The following BTD variants were observed in gnomAD, a reference collection of about 807,000 sequenced individuals.
The protein encoded by BTD is biotinidase.
BTD carries 13 observed loss-of-function variants against 17.7 expected under a neutral mutation model. The ratio of observed to expected loss-of-function variants is 0.74; its 90% CI spans 0.48 to 1.17. The LOEUF (loss-of-function observed/expected upper bound fraction) is 1.17, where lower values mean the gene tolerates loss of function less well. BTD is among the 50% of genes most tolerant of loss of function. The probability of loss-of-function intolerance (pLI) is 0.00; values close to 1 mark genes in which losing one functional copy is unlikely to be tolerated. For synonymous variants in BTD, 240 were observed against 245.2 expected, an observed-to-expected ratio of 0.98 and a Z score of 0.20; for missense variants, 674 against 650.4, an observed-to-expected ratio of 1.04 and a Z score of -0.39.
At chr3:15,666,717 G>C (rs1023052535) in intron 3 of BTD, among the ~76,000 whole-genome samples, 4 of 152,016 alleles carry the variant, frequency 2.6e-5, no homozygotes, top group African/African-American at 9.7e-5. Context: ...GGATTGCTAA[G>C]TGCCAATATA....
At chr3:15,696,763 A>G (rs1223879525) in intron 3 of BTD, among the ~76,000 whole-genome samples, 1 of 152,204 alleles carries the variant, frequency 6.6e-6, no homozygotes, top group Non-Finnish European at 1.5e-5. Flanking sequence ...TAAACAGAGT[A>G]AAGTGGTAAG....
chr3:15,672,457 T>G (rs2066475983), intron 3 of BTD, among the ~76,000 whole-genome samples: 1 of 152,096 alleles, frequency 6.6e-6, no homozygotes, highest in African/African-American at 2.4e-5. Flanking sequence ...AAGTAATTTT[T>G]CCCCCTTTGT....
At chr3:15,625,757 G>A (rs1414471143) in intron 1 of BTD, among the ~76,000 whole-genome samples, 6 of 152,094 alleles carry the variant, frequency 3.9e-5, no homozygotes, top group African/African-American at 7.2e-5. Context: ...GGGTTTCACC[G>A]TGTTAGCCAG....
At chr3:15,655,825 CAG>C (rs1397876147), downstream of BTD, among the ~76,000 whole-genome samples, 6 of 152,308 alleles carry the variant, frequency 3.9e-5, no homozygotes, top group Admixed American at 2.6e-4. Context: ...GTTTTTGAGA[CAG>C]AGTCTCACTC....
chr3:15,608,801 G>C (rs978216063), intron 1 of BTD, among the ~76,000 whole-genome samples: 1 of 151,298 alleles, frequency 6.6e-6, no homozygotes, highest in African/African-American at 2.4e-5. Context: ...GTATTTCTCC[G>C]TATGATGGAA....
intron 3 of BTD, chr3:15,686,600 T>A (rs1317777366): frequency 2.4e-6 from 1 of 416,080 alleles, no homozygotes; most frequent in African/African-American, 2.0e-5. Context: ...TCTGGCAATG[T>A]GGTCAGGAAG....
In BTD at chr3:15,601,907, C is replaced by T; in HGVS notation, c.-17+13C>T. The T allele has an allele frequency of 1.2e-6, 2 of 1,613,190 alleles. No individual in the cohort carries two copies. Among genetic ancestry groups the T allele is most frequent in the South Asian group, 1.1e-5 (1 of 91,028 alleles). The stretch of plus-strand genomic sequence containing the variant: ...GCGCTAAGAGCAGGTACGGAGGGGG[C>T]GTGGTGCGGCGCGGAGGGGGTGTGG... On this transcript the variant is annotated intron_variant, in intron 1 of 3. Coordinates refer to ENST00000643237, the MANE Select transcript of BTD (RefSeq NM_001370658.1).
At chr3:15,676,036 C>G in intron 3 of BTD, 1 of 1,439,160 alleles carries the variant, frequency 6.9e-7, no homozygotes, top group African/African-American at 1.4e-5. Flanking sequence ...CATGTGCATG[C>G]ACATACACAT....
At chr3:15,658,166 C>A (rs1205056712), downstream of BTD, among the ~76,000 whole-genome samples, 5 of 110,642 alleles carry the variant, frequency 4.5e-5, no homozygotes, top group African/African-American at 1.6e-4. Flanking sequence ...GAGACTCCAT[C>A]TAAAAAAAAA....
intron 1 of BTD, among the ~76,000 whole-genome samples, chr3:15,617,799 T>G (rs1342176811): frequency 6.6e-6 from 1 of 152,266 alleles, no homozygotes; most frequent in Non-Finnish European, 1.5e-5. Flanking sequence ...CTGTTCCATC[T>G]ATTTGTCTGT....
At chr3:15,625,343 A>G (rs2065040303) in intron 1 of BTD, among the ~76,000 whole-genome samples, 1 of 152,140 alleles carries the variant, frequency 6.6e-6, no homozygotes, top group Non-Finnish European at 1.5e-5. Flanking sequence ...ATAGGTAAAA[A>G]TAGTTTCTCT....
chr3:15,642,858 A>G (rs950619120), intron 3 of BTD, among the ~76,000 whole-genome samples: 24 of 151,928 alleles, frequency 1.6e-4, no homozygotes, highest in Non-Finnish European at 2.6e-4. Flanking sequence ...GTAAAATAAA[A>G]TTTTTAGAAA....
At chr3:15,610,172 G>A (rs969935527) in intron 1 of BTD, among the ~76,000 whole-genome samples, 15 of 152,200 alleles carry the variant, frequency 9.9e-5, no homozygotes, top group Non-Finnish European at 2.1e-4. Context: ...CCATGTATCT[G>A]TTAGTCAGTT....
intron 3 of BTD, among the ~76,000 whole-genome samples, chr3:15,675,577 G>T (rs1377819824): frequency 6.6e-6 from 1 of 152,136 alleles, no homozygotes; most frequent in Non-Finnish European, 1.5e-5. Context: ...CTTTAAATAA[G>T]AATATTAGTA....
chr3:15,722,262 A>G (rs1447305088), exon 5 of BTD, among the ~76,000 whole-genome samples: 1 of 152,214 alleles, frequency 6.6e-6, no homozygotes, highest in Non-Finnish European at 1.5e-5. Flanking sequence ...ATGGACAACC[A>G]ATCAAGCCAT....
At chr3:15,706,844 T>G (rs1029116721) in intron 3 of BTD, among the ~76,000 whole-genome samples, 6 of 152,222 alleles carry the variant, frequency 3.9e-5, no homozygotes, top group African/African-American at 4.8e-5. Flanking sequence ...TGACCAGTGA[T>G]GATGAGCATT....
chr3:15,626,575 G>A (rs1194003119), intron 1 of BTD, among the ~76,000 whole-genome samples: 1 of 151,964 alleles, frequency 6.6e-6, no homozygotes, highest in African/African-American at 2.4e-5. Context: ...GCCTGGAGTC[G>A]AGACTAGCCT....
rs1377856502 is a variant in BTD at position 15,649,515 on chromosome 3, T to G, written c.*4027T>G. Among the ~76,000 whole-genome samples, 1 of 152,212 alleles carries G rather than the reference T, an allele frequency of 6.6e-6. No homozygotes were observed. The highest frequency in any genetic ancestry group is 1.5e-5 in the Non-Finnish European group (1 of 68,020). On this transcript the variant is annotated 3_prime_UTR_variant, in exon 4 of 4. Transcript: ENST00000643237. ...CCGTTTCTCACCTCCCAACAGTTGC[T>G]GTTCCTCAGGCCAAAGTTCACATTC... is the stretch of plus-strand genomic sequence containing the variant.
At position 15,712,220 on chromosome 3, in the gene BTD, C is replaced by T. The variant is rs746993798; in HGVS notation, c.*2146C>T. ...GAGGGGGAACATTCCATGTATGCCA[C>T]GCCTAAAGTTAATAGAACAGGACAG... On this transcript the variant is annotated 3_prime_UTR_variant, in exon 4 of 4. Coordinates refer to the BTD transcript ENST00000672141. 33 of 1,575,806 alleles carry T rather than the reference C, an allele frequency of 2.1e-5. No individual in the cohort carries two copies. The African/African-American group carries it at 2.8e-4, about 14-fold the overall frequency.
Sources: gnomAD v4.1 joint callset for allele counts (sites outside exome capture counted in the v4.1 genomes callset) on GRCh38, gnomAD v4.1.1 for gene constraint, MANE v1.5 for transcripts, NCBI Gene and HGNC (gene_info 2026-07-23, HGNC 2026-07-21) for gene names.